The following GRIK5 variants were observed in gnomAD, a reference collection of about 807,000 sequenced individuals.
GRIK5 encodes glutamate receptor ionotropic, kainate 5.
In GRIK5, 43 loss-of-function variants were observed where a neutral mutation model predicts 97.4. The observed-to-expected ratio is 0.44, with a 90% CI of 0.35 to 0.57. GRIK5 has a LOEUF of 0.57. Among genes scored for constraint, GRIK5 ranks in the 20% least tolerant of loss-of-function variants. The pLI, the probability that GRIK5 is intolerant of heterozygous loss-of-function variation, is 0.01. For synonymous variants in GRIK5, 580 were observed against 583.5 expected (o/e 0.99, Z 0.09); for missense variants, 1,015 against 1,382.0 (o/e 0.73, Z 4.21).
intron 12 of GRIK5, among the ~76,000 whole-genome samples, chr19:42,039,119 G>C (rs192613323): frequency 6.6e-6 from 1 of 152,184 alleles, no homozygotes; most frequent in Non-Finnish European, 1.5e-5. Context: ...CTCCTCACTG[G>C]TCTTCCTGTT....
At chr19:42,063,270 A>G (rs2076285384) in intron 3 of GRIK5, 1 of 459,386 alleles carries the variant, frequency 2.2e-6, no homozygotes, top group African/African-American at 2.0e-5. Flanking sequence ...GCCTTCCCAT[A>G]CTCCAAACAC....
chr19:42,021,433 C>T lies in GRIK5; in HGVS notation c.1739G>A (p.Arg580Gln), dbSNP rs779231327. Residue 580 changes from arginine (R) to glutamine (Q), a missense_variant, in exon 15 of 20, where the codon CGG becomes CAG. Arg to Gln is a conservative substitution (Grantham distance 43, BLOSUM62 1). Transcript: ENST00000593562. This position sits in a 1 kb window ranked among gnomAD's most constrained non-coding sequence, Gnocchi z 4.2. ...YEWYNPHPCL[R>Q]ARPHILENQY... Reference sequence around the variant, plus strand: ...GTTCTCCAGGATGTGGGGGCGTGCCCGCAGGCATGGGTGTGGGTTATACCA... The same window carrying T: ...GTTCTCCAGGATGTGGGGGCGTGCCTGCAGGCATGGGTGTGGGTTATACCA... 2 of 1,605,534 alleles carry T rather than the reference C, an allele frequency of 1.2e-6. No individual in the cohort carries two copies. Among genetic ancestry groups the T allele is most frequent in the South Asian group, 1.1e-5 (1 of 89,718 alleles).
chr19:42,051,667 C>A (rs1013868764), intron 11 of GRIK5, among the ~76,000 whole-genome samples: 2 of 152,202 alleles, frequency 1.3e-5, no homozygotes, highest in Non-Finnish European at 2.9e-5. Context: ...TTGCCCTAGG[C>A]ACCCAGTTTG....
chr19:42,052,541 G>A (rs2076130400), intron 11 of GRIK5, among the ~76,000 whole-genome samples: 1 of 152,208 alleles, frequency 6.6e-6, no homozygotes, highest in Non-Finnish European at 1.5e-5. Context: ...GCGACTCACT[G>A]CTTTAGGTGG....
At position 42,043,145 on chromosome 19, in the gene GRIK5, T is replaced by C. The variant is rs116133250; in HGVS notation, c.1270-390A>G. Among the ~76,000 whole-genome samples, 610 of 152,324 alleles carry C rather than the reference T, an allele frequency of 4.0e-3. 7 individuals carry two copies. Among genetic ancestry groups the C allele is most frequent in the African/African-American group, 0.014 (575 of 41,556 alleles). On this transcript the variant is annotated intron_variant, in intron 11 of 19. Coordinates refer to ENST00000593562, the MANE Select transcript of GRIK5 (RefSeq NM_002088.5). ...TCACAGTAAAAGATACATTTTACCC[T>C]GCAACCTAATTCACCCACACATGAA...
Position 42,062,468 on chromosome 19 carries a change from A to T in GRIK5, c.508+20T>A. The T allele has an allele frequency of 6.2e-7, 1 of 1,613,250 alleles. No homozygotes were observed. The highest frequency in any genetic ancestry group is 1.7e-5 in the Admixed American group (1 of 59,982). On this transcript the variant is annotated intron_variant, in intron 5 of 19. Transcript: ENST00000593562. The surrounding 1 kb of genome is among the most constrained non-coding windows in gnomAD (Gnocchi z 5.3). Reference sequence around the variant, plus strand: ...GGGTGTCTGGGGGAACAGAAAACAAAACATTCAGTTCTCCCTCACACTCAG... The same window carrying T: ...GGGTGTCTGGGGGAACAGAAAACAATACATTCAGTTCTCCCTCACACTCAG...
At chr19:42,064,741 T>C (rs895923700) in intron 3 of GRIK5, among the ~76,000 whole-genome samples, 10 of 152,212 alleles carry the variant, frequency 6.6e-5, no homozygotes, top group African/African-American at 2.4e-4. Context: ...AAGTGACACC[T>C]TCGAACATTC....
chr19:42,065,183 C>T lies in GRIK5; in HGVS notation c.244+40G>A. ...AGAGGGATGGACTGAGGGCCACCGA[C>T]CTGCCCTGCCTCACCCCACGCCCCC... On this transcript the variant is annotated intron_variant, in intron 3 of 19. Coordinates refer to ENST00000593562, the MANE Select transcript of GRIK5 (RefSeq NM_002088.5). This position sits in a 1 kb window ranked among gnomAD's most constrained non-coding sequence, Gnocchi z 5.8. 1 of 1,567,906 alleles carries T rather than the reference C, an allele frequency of 6.4e-7. No individual in the cohort carries two copies. Among genetic ancestry groups the T allele is most frequent in the Non-Finnish European group, 8.7e-7 (1 of 1,149,950 alleles).
rs549113092 is a variant in GRIK5 at position 42,044,792 on chromosome 19, A to T, written c.1270-2037T>A. ...TGGCAAAACCCCGTCTCTATAAAAAATACAAAAATTAGCCAGGCGTGCTGG... is the reference window on the plus strand; with the variant it reads ...TGGCAAAACCCCGTCTCTATAAAAATTACAAAAATTAGCCAGGCGTGCTGG... On this transcript the variant is annotated intron_variant, in intron 11 of 19. Coordinates refer to ENST00000593562, the MANE Select transcript of GRIK5 (RefSeq NM_002088.5). Among the ~76,000 whole-genome samples the T allele has an allele frequency of 3.9e-5, 6 of 152,348 alleles. No individual in the cohort carries two copies. The South Asian group carries it at 1.2e-3, about 32-fold the overall frequency.
At chr19:42,068,283 T>C (rs961602168) in intron 1 of GRIK5, among the ~76,000 whole-genome samples, 4 of 151,762 alleles carry the variant, frequency 2.6e-5, no homozygotes, top group African/African-American at 7.3e-5. Flanking sequence ...CACAGAGGCA[T>C]AGCCACCCCA....
At chr19:42,037,550 A>G (rs2075923177) in intron 12 of GRIK5, among the ~76,000 whole-genome samples, 1 of 152,204 alleles carries the variant, frequency 6.6e-6, no homozygotes, top group Non-Finnish European at 1.5e-5. Context: ...ACCTTCAGAG[A>G]TAAGTGGCTT....
At chr19:42,011,265 T>C (rs1204264146) in intron 15 of GRIK5, among the ~76,000 whole-genome samples, 2 of 151,988 alleles carry the variant, frequency 1.3e-5, no homozygotes, top group African/African-American at 2.4e-5. Context: ...CTTGAAAGTA[T>C]TTTGTGGCTG....
intron 3 of GRIK5, among the ~76,000 whole-genome samples, chr19:42,063,923 C>A (rs1453969962): frequency 6.6e-6 from 1 of 152,168 alleles, no homozygotes; most frequent in Admixed American, 6.5e-5. Flanking sequence ...CATCATAACT[C>A]AACACCTCAT....
At position 42,003,363 on chromosome 19, in the gene GRIK5, C is replaced by T. The variant is rs782443659; in HGVS notation, c.2483G>A (p.Trp828Ter). 1 of 1,613,444 alleles carries T rather than the reference C, an allele frequency of 6.2e-7. No homozygotes were observed. The highest frequency in any genetic ancestry group is 8.5e-7 in the Non-Finnish European group (1 of 1,179,692). ...AVFVAVMEFI[W>*]STRRSAESEE... Reference sequence around the variant, plus strand: ...GGACTCAGCTGACCTCCGTGTGGACCATATGAATTCCATGACCGCCACGAA... The same window carrying T: ...GGACTCAGCTGACCTCCGTGTGGACTATATGAATTCCATGACCGCCACGAA... The change falls in exon 19 of 20, where the codon TGG becomes TAG. Residue 828 changes from tryptophan (W) to a stop codon, truncating the protein, a stop_gained. Coordinates refer to ENST00000593562, the MANE Select transcript of GRIK5 (RefSeq NM_002088.5). LOFTEE classifies it low-confidence loss of function (END_TRUNC). This position sits in a 1 kb window ranked among gnomAD's most constrained non-coding sequence, Gnocchi z 4.2.
At chr19:42,046,919 G>C (rs866326630) in intron 11 of GRIK5, among the ~76,000 whole-genome samples, 1 of 151,990 alleles carries the variant, frequency 6.6e-6, no homozygotes, top group South Asian at 2.1e-4. Context: ...ACAGAGTCTT[G>C]CTCTGTCACC....
intron 12 of GRIK5, among the ~76,000 whole-genome samples, chr19:42,027,654 G>A (rs2075788775): frequency 6.6e-6 from 1 of 152,190 alleles, no homozygotes; most frequent in South Asian, 2.1e-4. Context: ...CACAGTGCTG[G>A]GGGCAGGACT....
intron 15 of GRIK5, among the ~76,000 whole-genome samples, chr19:42,010,470 C>T (rs1015748658): frequency 6.6e-6 from 1 of 152,136 alleles, no homozygotes; most frequent in Non-Finnish European, 1.5e-5. Flanking sequence ...GATAACAGTG[C>T]CAGTCGACTT....
chr19:42,064,626 A>G (rs987126978), intron 3 of GRIK5, among the ~76,000 whole-genome samples: 2 of 152,212 alleles, frequency 1.3e-5, no homozygotes, highest in African/African-American at 2.4e-5. Flanking sequence ...TCTGAAACAT[A>G]CACGAACACC....
intron 11 of GRIK5, among the ~76,000 whole-genome samples, chr19:42,048,906 G>A (rs932062856): frequency 2.0e-5 from 3 of 152,038 alleles, no homozygotes; most frequent in African/African-American, 7.2e-5. Flanking sequence ...GCTGGGTGTG[G>A]TGGTGCACGA....
Sources: allele counts gnomAD v4.1 joint callset (sites outside exome capture counted in the v4.1 genomes callset), GRCh38; gene constraint gnomAD v4.1.1; non-coding constraint Gnocchi (gnomAD v3.1); transcripts MANE v1.5; gene names NCBI Gene and HGNC (gene_info 2026-07-23, HGNC 2026-07-21).